Variants in STPG2 observed in about 807,000 individuals in gnomAD.
STPG2 encodes sperm tail PG-rich repeat containing 2, also known as sperm-tail PG-rich repeat-containing protein 2.
In STPG2, 56 loss-of-function variants were observed where a neutral mutation model predicts 54.2. The ratio of observed to expected loss-of-function variants is 1.03; its 90% CI spans 0.83 to 1.29. STPG2 has a LOEUF of 1.29. Ranked by LOEUF, STPG2 falls within the 50% of genes most tolerant of loss-of-function variation. The pLI, the probability that STPG2 is intolerant of heterozygous loss-of-function variation, is 0.00. For missense variants in STPG2, 596 were observed against 544.9 expected (o/e 1.09, Z -0.93); for synonymous variants, 200 against 181.8 (o/e 1.10, Z -0.81).
At chr4:97,642,553 T>A (rs1721794042) in intron 10 of STPG2, among the ~76,000 whole-genome samples, 1 of 151,462 alleles carries the variant, frequency 6.6e-6, no homozygotes, top group Non-Finnish European at 1.5e-5. Context: ...AAATATTTAA[T>A]GCACATTCTA....
At chr4:97,634,293 A>G (rs966763073) in intron 10 of STPG2, among the ~76,000 whole-genome samples, 16 of 152,160 alleles carry the variant, frequency 1.1e-4, no homozygotes, top group Admixed American at 6.5e-5. Context: ...TGTCTGTTAG[A>G]AGGAAAACTA....
intron 8 of STPG2, among the ~76,000 whole-genome samples, chr4:97,890,568 G>C (rs1235147184): frequency 6.6e-6 from 1 of 151,866 alleles, no homozygotes; most frequent in African/African-American, 2.4e-5. Context: ...AGAAGTTGGT[G>C]ACGGGGTACA....
chr4:97,737,663 A>C (rs1209920023), intron 9 of STPG2, among the ~76,000 whole-genome samples: 1 of 152,216 alleles, frequency 6.6e-6, no homozygotes, highest in East Asian at 1.9e-4. Flanking sequence ...CTTAGAGAAA[A>C]AAAAATAAAA....
chr4:97,698,817 G>A (rs1233865123), intron 10 of STPG2, among the ~76,000 whole-genome samples: 2 of 152,162 alleles, frequency 1.3e-5, no homozygotes, highest in Non-Finnish European at 2.9e-5. Flanking sequence ...CAATCCAGCT[G>A]CTTCAGGATG....
At chr4:97,877,916 G>A (rs547558817) in intron 8 of STPG2, among the ~76,000 whole-genome samples, 79 of 151,698 alleles carry the variant, frequency 5.2e-4, no homozygotes, top group South Asian at 8.3e-4. Context: ...AAAATTAAAA[G>A]CAAGTTAGTT....
intron 10 of STPG2, among the ~76,000 whole-genome samples, chr4:97,644,142 A>G (rs1721841904): frequency 6.6e-6 from 1 of 151,924 alleles, no homozygotes. Flanking sequence ...CCTATGAAAA[A>G]CAAATAGAGC....
intron 4 of STPG2, among the ~76,000 whole-genome samples, chr4:97,456,069 C>A (rs1260698927): frequency 6.6e-6 from 1 of 152,182 alleles, no homozygotes; most frequent in Non-Finnish European, 1.5e-5. Context: ...TTTTGTTCTG[C>A]AAAAGACACT....
chr4:97,953,114 G>A (rs1390232770), intron 7 of STPG2, among the ~76,000 whole-genome samples: 1 of 152,130 alleles, frequency 6.6e-6, no homozygotes, highest in Non-Finnish European at 1.5e-5. Context: ...CCAGGTGGGG[G>A]CTCCATCAGG....
chr4:98,068,649 G>C (rs1427658778), intron 5 of STPG2, among the ~76,000 whole-genome samples: 1 of 151,554 alleles, frequency 6.6e-6, no homozygotes, highest in African/African-American at 2.4e-5. Flanking sequence ...TCCAGAAGTT[G>C]TGTGTAGGAG....
chr4:97,510,648 C>G lies in STPG2; in HGVS notation c.462+202051G>C, dbSNP rs370686262. On this transcript the variant is annotated intron_variant, in intron 4 of 4. Transcript: ENST00000522676. ...GAGATGGTTTCAGGATGAAACTGTT[C>G]CACCTTGATCATCAGGTATTAGTTA... Among the ~76,000 whole-genome samples, 23 of 152,116 alleles carry G rather than the reference C, an allele frequency of 1.5e-4. 1 individual carries two copies. The East Asian group carries it at 3.3e-3, about 22-fold the overall frequency.
intron 9 of STPG2, among the ~76,000 whole-genome samples, chr4:97,749,719 TG>T (rs749667986): frequency 2.6e-5 from 4 of 151,768 alleles, no homozygotes; most frequent in Non-Finnish European, 5.9e-5. Flanking sequence ...ACAAACTGTA[TG>T]GTGGTTGTAA....
chr4:97,548,202 G>A (rs961937899), intron 4 of STPG2, among the ~76,000 whole-genome samples: 6 of 152,002 alleles, frequency 3.9e-5, no homozygotes, highest in African/African-American at 1.2e-4. Flanking sequence ...CAGACTCCTC[G>A]TGAAAATGAA....
chr4:97,863,242 T>A (rs114988455), intron 8 of STPG2, among the ~76,000 whole-genome samples: 1 of 151,486 alleles, frequency 6.6e-6, no homozygotes. Context: ...CAAACACATG[T>A]AATAAAACAT....
chr4:97,946,366 T>C (rs1480622554), intron 7 of STPG2, among the ~76,000 whole-genome samples: 2 of 152,190 alleles, frequency 1.3e-5, no homozygotes, highest in African/African-American at 4.8e-5. Flanking sequence ...CTGGTGGTTA[T>C]TTCTTTTGCT....
At chr4:97,702,118 T>C (rs927182069) in intron 10 of STPG2, among the ~76,000 whole-genome samples, 1 of 152,222 alleles carries the variant, frequency 6.6e-6, no homozygotes, top group Non-Finnish European at 1.5e-5. Flanking sequence ...TCTAAGCATT[T>C]GGATCCCTTC....
chr4:97,980,974 A>AAACTGTAT (rs1734654719), intron 6 of STPG2, among the ~76,000 whole-genome samples, 185 bp downstream of exon 6: 2 of 152,202 alleles, frequency 1.3e-5, no homozygotes, highest in South Asian at 4.1e-4. Context: ...AATCTTACTA[A>AAACTGTAT]AACTGTATAT....
At chr4:97,872,033 AAC>A (rs1730009170) in intron 8 of STPG2, among the ~76,000 whole-genome samples, 1 of 151,136 alleles carries the variant, frequency 6.6e-6, no homozygotes, top group African/African-American at 2.4e-5. Context: ...CTCTAAAAAG[AAC>A]AGTCATATGA....
At chr4:98,075,701 C>T (rs1216715972) in intron 5 of STPG2, among the ~76,000 whole-genome samples, 4 of 152,106 alleles carry the variant, frequency 2.6e-5, no homozygotes, top group Admixed American at 2.0e-4. Context: ...AAAACCTTCA[C>T]CATTCTTTCT....
intron 10 of STPG2, among the ~76,000 whole-genome samples, chr4:97,595,118 A>G (rs1030902604): frequency 6.6e-6 from 1 of 152,268 alleles, no homozygotes; most frequent in Non-Finnish European, 1.5e-5. Flanking sequence ...CCAAAGGATT[A>G]TAAATCATGC....
Sources: allele counts gnomAD v4.1 joint callset (sites outside exome capture counted in the v4.1 genomes callset), GRCh38; gene constraint gnomAD v4.1.1; transcripts MANE v1.5; gene names NCBI Gene and HGNC (gene_info 2026-07-23, HGNC 2026-07-21).